ZNF430: variants seen among roughly 807,000 people sequenced by gnomAD.
ZNF430 encodes the protein zinc finger protein 430.
A neutral mutation model predicts 56.7 loss-of-function variants in ZNF430; 35 were observed. The ratio of observed to expected loss-of-function variants is 0.62; its 90% CI spans 0.47 to 0.82. ZNF430 has a LOEUF of 0.82. Ranked by LOEUF, ZNF430 falls within the 40% of genes least tolerant of loss-of-function variation. The pLI, the probability that ZNF430 is intolerant of heterozygous loss-of-function variation, is 0.00. For missense variants in ZNF430, 574 were observed against 661.0 expected (o/e 0.87, Z 1.44); for synonymous variants, 212 against 224.3 (o/e 0.94, Z 0.49).
At chr19:21,039,992 G>A (rs193101755) in intron 4 of ZNF430, among the ~76,000 whole-genome samples, 135 of 152,064 alleles carry the variant, frequency 8.9e-4, no homozygotes, top group Non-Finnish European at 1.4e-3. Flanking sequence ...ATGCACTACC[G>A]TGCCTCGCTA....
intron 4 of ZNF430, among the ~76,000 whole-genome samples, chr19:21,054,731 A>G (rs962072110): frequency 8.2e-6 from 1 of 121,264 alleles, no homozygotes; most frequent in African/African-American, 3.2e-5. Context: ...GCTGGAGTGC[A>G]GTGGCGCATC....
At chr19:21,024,576 G>T (rs536340151) in intron 2 of ZNF430, among the ~76,000 whole-genome samples, 1 of 152,038 alleles carries the variant, frequency 6.6e-6, no homozygotes, top group Admixed American at 6.6e-5. Context: ...TCAGGAGATG[G>T]AGACCATCCT....
intron 4 of ZNF430, among the ~76,000 whole-genome samples, chr19:21,044,514 G>A (rs1211514657): frequency 6.6e-6 from 1 of 152,124 alleles, no homozygotes; most frequent in Non-Finnish European, 1.5e-5. Flanking sequence ...TTGCATCAAT[G>A]TTTATCAGGG....
Position 21,058,507 on chromosome 19 carries a change from A to C in ZNF430, c.*486A>C, listed in dbSNP as rs1448272920. The C allele has an allele frequency of 6.1e-6, 1 of 163,404 alleles. No homozygotes were observed. Among genetic ancestry groups the C allele is most frequent in the Non-Finnish European group, 1.4e-5 (1 of 69,910 alleles). 10.1% of individuals were successfully genotyped at this position (163,404 alleles called of 1,614,324 possible). ...ACTCTACAAACTTGAAAGATGTGAC[A>C]GTGCTTTTGACAACACCTAAAACTT... On this transcript the variant is annotated 3_prime_UTR_variant, in exon 5 of 5. Transcript: ENST00000261560.
Position 21,058,939 on chromosome 19 carries a change from G to C in ZNF430, c.*918G>C, listed in dbSNP as rs1400417503. On this transcript the variant is annotated 3_prime_UTR_variant, in exon 5 of 5. Transcript: ENST00000261560. ...TTGTAGTACCTTTATTTGTATCACA[G>C]ATTTTATTGTACACATTTTGTACTA... 2 of 152,176 alleles carry C rather than the reference G, an allele frequency of 1.3e-5. No homozygotes were observed. The highest frequency in any genetic ancestry group is 4.8e-5 in the African/African-American group (2 of 41,446). The allele number at this position is 152,176 out of a possible 1,614,324, so 9.4% of individuals were successfully genotyped here.
chr19:21,040,348 T>G (rs572005812), intron 4 of ZNF430, among the ~76,000 whole-genome samples: 3 of 152,218 alleles, frequency 2.0e-5, no homozygotes, highest in Non-Finnish European at 4.4e-5. Context: ...AGGAGGTGTT[T>G]GGGTCATGGG....
chr19:21,037,189 A>G (rs1017684175), intron 4 of ZNF430, among the ~76,000 whole-genome samples: 2 of 149,052 alleles, frequency 1.3e-5, no homozygotes, highest in Non-Finnish European at 3.0e-5. Context: ...ATCTCGGCTC[A>G]CTGCAACCTC....
Position 21,038,330 on chromosome 19 carries a change from T to C in ZNF430, c.322+4146T>C, listed in dbSNP as rs10412621. Among the ~76,000 whole-genome samples the C allele has an allele frequency of 5.7e-3, 862 of 152,280 alleles. 8 individuals are homozygous for C. The highest frequency in any genetic ancestry group is 0.02 in the African/African-American group (814 of 41,558). ...CAGCTTTGTAGATCATTTGATTATATATAAAAGGTTTCATTTCTGGGCTCC... is the reference window on the plus strand; with the variant it reads ...CAGCTTTGTAGATCATTTGATTATACATAAAAGGTTTCATTTCTGGGCTCC... On this transcript the variant is annotated intron_variant, in intron 4 of 4. Transcript: ENST00000261560.
chr19:21,042,874 A>G (rs1193456001), intron 4 of ZNF430, among the ~76,000 whole-genome samples: 4 of 152,114 alleles, frequency 2.6e-5, no homozygotes, highest in Non-Finnish European at 5.9e-5. Flanking sequence ...GCATTTCTCT[A>G]ACGATCCCTG....
chr19:21,020,765 A>G lies in ZNF430; in HGVS notation c.-36A>G. Reference sequence around the variant, plus strand: ...GTGACCCGCAGGTATTGGGAGATCTACAGCTAAGACGCCAGGAACCCCTGG... The same window carrying G: ...GTGACCCGCAGGTATTGGGAGATCTGCAGCTAAGACGCCAGGAACCCCTGG... On this transcript the variant is annotated 5_prime_UTR_variant, in exon 1 of 5. Coordinates refer to ENST00000261560, the MANE Select transcript of ZNF430 (RefSeq NM_025189.4). 6.2e-7 allele frequency: 1 copy of G among 1,613,326 alleles called. No homozygotes were observed. The highest frequency in any genetic ancestry group is 8.5e-7 in the Non-Finnish European group (1 of 1,179,528).
chr19:21,022,870 T>C lies in ZNF430; in HGVS notation c.85T>C (p.Phe29Leu). ...TGACAGGAATCTTCTGGTGTACTCT[T>C]TTTATGAAAAGGTAACCCCTTGAGA... is the stretch of plus-strand genomic sequence containing the variant. ...GADRNLLVYS[F>L]YEKGPLTFRD... Residue 29 changes from phenylalanine to leucine, a missense_variant, in exon 2 of 5, where the codon TTT becomes CTT. Around this residue, in one of 3 missense-constraint regions of ZNF430, gnomAD observed 346 missense variants for 399.1 expected, o/e 0.87. Coordinates refer to ENST00000261560, the MANE Select transcript of ZNF430 (RefSeq NM_025189.4). The C allele has an allele frequency of 6.2e-7, 1 of 1,613,132 alleles. No homozygotes were observed. Among genetic ancestry groups the C allele is most frequent in the Non-Finnish European group, 8.5e-7 (1 of 1,179,108 alleles).
chr19:21,048,108 T>C (rs74357317), intron 4 of ZNF430, among the ~76,000 whole-genome samples: 6,851 of 151,462 alleles, frequency 0.045, 541 homozygotes, highest in African/African-American at 0.16. Flanking sequence ...ATAAATATTA[T>C]GTAATCACCT....
At chr19:21,044,121 T>A (rs1173885651) in intron 4 of ZNF430, among the ~76,000 whole-genome samples, 3 of 151,778 alleles carry the variant, frequency 2.0e-5, no homozygotes, top group African/African-American at 7.3e-5. Context: ...CAATACTACG[T>A]TGAATAAGAG....
At chr19:21,043,628 A>C (rs1968143860) in intron 4 of ZNF430, among the ~76,000 whole-genome samples, 1 of 152,146 alleles carries the variant, frequency 6.6e-6, no homozygotes, top group Non-Finnish European at 1.5e-5. Context: ...TATGAATTTT[A>C]AAATAGTTTT....
chr19:21,045,641 A>C (rs1045841194), intron 4 of ZNF430, among the ~76,000 whole-genome samples: 1 of 152,070 alleles, frequency 6.6e-6, no homozygotes, highest in Non-Finnish European at 1.5e-5. Context: ...TTCTGTCTCA[A>C]TTGTTGGTCT....
intron 4 of ZNF430, among the ~76,000 whole-genome samples, chr19:21,037,506 C>T (rs918317220): frequency 6.6e-6 from 1 of 152,168 alleles, no homozygotes; most frequent in African/African-American, 2.4e-5. Context: ...ACCTGGGTTG[C>T]TGCAGCCTTT....
intron 4 of ZNF430, among the ~76,000 whole-genome samples, chr19:21,055,878 A>G (rs781553164): frequency 7.9e-5 from 12 of 152,226 alleles, no homozygotes; most frequent in Admixed American, 3.9e-4. Flanking sequence ...ATTCCAAAGT[A>G]TACCACCATT....
At chr19:21,052,805 C>G (rs1222264087) in intron 4 of ZNF430, among the ~76,000 whole-genome samples, 1 of 152,234 alleles carries the variant, frequency 6.6e-6, no homozygotes, top group South Asian at 2.1e-4. Flanking sequence ...CTCACCTATC[C>G]AAACCCAAAG....
At position 21,056,868 on chromosome 19, in the gene ZNF430, A is replaced by G. The variant is rs754580454; in HGVS notation, c.560A>G (p.Tyr187Cys). 5.0e-6 allele frequency: 8 copies of G among 1,609,444 alleles called. No individual in the cohort carries two copies. The highest frequency in any genetic ancestry group is 4.2e-6 in the Non-Finnish European group (5 of 1,178,030). Residue 187 changes from tyrosine to cysteine, a missense_variant, in exon 5 of 5, where the codon TAT becomes TGT. This residue lies in a region of ZNF430 where 346 missense variants were observed against 399.1 expected (regional missense o/e 0.87). Transcript: ENST00000261560. Reference sequence around the variant, plus strand: ...TATGATAAATATGTGAATGTCTTTTATAAATTTTCAAATCCAAATATACAA... The same window carrying G: ...TATGATAAATATGTGAATGTCTTTTGTAAATTTTCAAATCCAAATATACAA... ...FQYDKYVNVF[Y>C]KFSNPNIQKI...
Sources: allele counts gnomAD v4.1 joint callset (sites outside exome capture counted in the v4.1 genomes callset), GRCh38; gene constraint gnomAD v4.1.1; regional missense constraint gnomAD v4.1.1; transcripts MANE v1.5; gene names NCBI Gene and HGNC (gene_info 2026-07-23, HGNC 2026-07-21).